The following UBE2E2 variants were observed in gnomAD, a reference collection of about 807,000 sequenced individuals.
The protein encoded by UBE2E2 is ubiquitin conjugating enzyme E2 E2, also known as ubiquitin-conjugating enzyme E2 E2.
A neutral mutation model predicts 24.7 loss-of-function variants in UBE2E2; 6 were observed. The ratio of observed to expected loss-of-function variants is 0.24; its 90% CI spans 0.13 to 0.48. The LOEUF (loss-of-function observed/expected upper bound fraction) is 0.48, where lower values mean the gene tolerates loss of function less well. Ranked by LOEUF, UBE2E2 falls within the 20% of genes least tolerant of loss-of-function variation. UBE2E2 has a pLI of 0.99. For missense variants in UBE2E2, 169 were observed against 245.0 expected (o/e 0.69, Z 2.07); for synonymous variants, 104 against 83.6 (o/e 1.24, Z -1.33).
At chr3:23,386,450 G>A (rs529639505) in intron 3 of UBE2E2, among the ~76,000 whole-genome samples, 1 of 152,182 alleles carries the variant, frequency 6.6e-6, no homozygotes, top group East Asian at 1.9e-4. Flanking sequence ...ACGAACATTC[G>A]GACCATAGCA....
At chr3:23,302,016 A>C (rs542419812) in intron 3 of UBE2E2, among the ~76,000 whole-genome samples, 1 of 152,118 alleles carries the variant, frequency 6.6e-6, no homozygotes, top group Admixed American at 6.5e-5. Flanking sequence ...AAAATTGCTG[A>C]CACATGTCCA....
At chr3:23,305,588 C>T (rs1231928682) in intron 3 of UBE2E2, among the ~76,000 whole-genome samples, 3 of 152,148 alleles carry the variant, frequency 2.0e-5, no homozygotes, top group Non-Finnish European at 4.4e-5. Flanking sequence ...GTTTTGACTT[C>T]CTTGACTCCC....
chr3:23,576,614 C>G (rs767902996), intron 5 of UBE2E2, among the ~76,000 whole-genome samples: 4 of 152,052 alleles, frequency 2.6e-5, no homozygotes, highest in Non-Finnish European at 4.4e-5. Flanking sequence ...AGTGACTGTG[C>G]TATATATGGC....
intron 3 of UBE2E2, among the ~76,000 whole-genome samples, chr3:23,310,419 C>A (rs901833127): frequency 6.6e-6 from 1 of 151,494 alleles, no homozygotes; most frequent in Non-Finnish European, 1.5e-5. Flanking sequence ...TCCAAACCTT[C>A]TAATTTCTTG....
chr3:23,324,819 A>G (rs1575561476), intron 3 of UBE2E2, among the ~76,000 whole-genome samples: 1 of 151,898 alleles, frequency 6.6e-6, no homozygotes, highest in East Asian at 1.9e-4. Context: ...AATGGATTCT[A>G]ATTATTTTCT....
rs572902459 is a variant in UBE2E2, at chr3:23,266,126, T to G, written c.227+48814T>G. Among the ~76,000 whole-genome samples, 32 of 152,326 alleles carry G rather than the reference T, an allele frequency of 2.1e-4. 1 individual carries two copies. In the South Asian group the frequency reaches 3.7e-3, roughly 18 times the overall value. On this transcript the variant is annotated intron_variant, in intron 3 of 5. Transcript: ENST00000396703. ...ATTTGCCAGTCTGTGTCTTTTAATT[T>G]GAGCATTTAGTCCATTTACCTTTAA...
chr3:23,363,061 G>C (rs111559800), intron 3 of UBE2E2, among the ~76,000 whole-genome samples: 145 of 152,330 alleles, frequency 9.5e-4, no homozygotes, highest in African/African-American at 3.3e-3. Flanking sequence ...CTTCATAAGA[G>C]AAGGAGAAAT....
intron 3 of UBE2E2, among the ~76,000 whole-genome samples, chr3:23,473,288 T>C (rs993295049): frequency 2.6e-5 from 4 of 152,110 alleles, no homozygotes; most frequent in African/African-American, 9.7e-5. Flanking sequence ...GAAAGAACAT[T>C]AATATTTTCT....
chr3:23,538,555 C>G (rs1409281609), intron 5 of UBE2E2, among the ~76,000 whole-genome samples: 3 of 152,148 alleles, frequency 2.0e-5, no homozygotes, highest in Admixed American at 2.0e-4. Context: ...TTCAGTATTA[C>G]CTGTAGAATC....
chr3:23,488,401 C>T (rs1238037853), intron 3 of UBE2E2, among the ~76,000 whole-genome samples: 4 of 152,084 alleles, frequency 2.6e-5, no homozygotes, highest in Non-Finnish European at 4.4e-5. Flanking sequence ...GTGATGTTCC[C>T]CTCCCTGTGT....
intron 3 of UBE2E2, among the ~76,000 whole-genome samples, chr3:23,406,764 A>G (rs1438255919): frequency 1.3e-5 from 2 of 152,216 alleles, no homozygotes; most frequent in Non-Finnish European, 2.9e-5. Context: ...CTGCCAACAT[A>G]AAGAAAATCT....
chr3:23,300,884 C>A (rs1019114721), intron 3 of UBE2E2, among the ~76,000 whole-genome samples: 5 of 152,138 alleles, frequency 3.3e-5, no homozygotes, highest in Non-Finnish European at 5.9e-5. Flanking sequence ...AGTGTTTTCC[C>A]ACTTGGTTCC....
At chr3:23,586,297 C>CT (rs370632353) in intron 5 of UBE2E2, among the ~76,000 whole-genome samples, 1 of 151,936 alleles carries the variant, frequency 6.6e-6, no homozygotes, top group African/African-American at 2.4e-5. Flanking sequence ...TGTTAGTGGT[C>CT]TTTTTTATTT....
intron 4 of UBE2E2, among the ~76,000 whole-genome samples, chr3:23,529,888 A>G (rs776555509): frequency 3.9e-5 from 6 of 152,200 alleles, no homozygotes; most frequent in Non-Finnish European, 7.3e-5. Context: ...CACTTAACTC[A>G]TTAAATATCT....
intron 3 of UBE2E2, among the ~76,000 whole-genome samples, chr3:23,241,782 T>A (rs1697266118): frequency 6.6e-6 from 1 of 152,240 alleles, no homozygotes; most frequent in East Asian, 1.9e-4. Context: ...GAAAAGTGCC[T>A]GGAACGTAGT....
chr3:23,318,020 C>G (rs1036453974), intron 3 of UBE2E2, among the ~76,000 whole-genome samples: 1 of 151,968 alleles, frequency 6.6e-6, no homozygotes, highest in African/African-American at 2.4e-5. Flanking sequence ...ATTTGGCCAT[C>G]TTGTTCTGAC....
intron 5 of UBE2E2, among the ~76,000 whole-genome samples, chr3:23,538,844 A>G (rs1483645446): frequency 1.3e-5 from 2 of 152,212 alleles, no homozygotes; most frequent in Non-Finnish European, 2.9e-5. Flanking sequence ...ATTTTAAATG[A>G]TATTAAAAGG....
intron 5 of UBE2E2, among the ~76,000 whole-genome samples, chr3:23,581,710 T>A (rs1696481457): frequency 6.6e-6 from 1 of 152,244 alleles, no homozygotes; most frequent in African/African-American, 2.4e-5. Context: ...TTTGTGTTTC[T>A]TCAAGATGTG....
At chr3:23,294,310 ATATT>A (rs1698849274) in intron 3 of UBE2E2, among the ~76,000 whole-genome samples, 1 of 152,096 alleles carries the variant, frequency 6.6e-6, no homozygotes, top group African/African-American at 2.4e-5. Flanking sequence ...AAAAACACTA[ATATT>A]TATTATATGC....
Sources: gnomAD v4.1 joint callset for allele counts (sites outside exome capture counted in the v4.1 genomes callset) on GRCh38, gnomAD v4.1.1 for gene constraint, MANE v1.5 for transcripts, NCBI Gene and HGNC (gene_info 2026-07-23, HGNC 2026-07-21) for gene names.